Variants in EPHA6 observed in about 807,000 individuals in gnomAD.
The protein encoded by EPHA6 is EPH receptor A6.
Under a neutral mutation model 112.0 loss-of-function variants are expected in EPHA6, and 50 were observed. The ratio of observed to expected loss-of-function variants is 0.45; its 90% CI spans 0.36 to 0.56. EPHA6 has a LOEUF of 0.56. Ranked by LOEUF, EPHA6 falls within the 20% of genes least tolerant of loss-of-function variation. EPHA6 has a pLI of 0.00. For synonymous variants in EPHA6, 529 were observed against 490.7 expected (o/e 1.08, Z -1.03); for missense variants, 1,280 against 1,417.4 (o/e 0.90, Z 1.56).
intron 3 of EPHA6, among the ~76,000 whole-genome samples, chr3:97,133,021 A>T (rs1285531897): frequency 6.6e-6 from 1 of 152,120 alleles, no homozygotes; most frequent in Non-Finnish European, 1.5e-5. Flanking sequence ...ATACAATTTT[A>T]AAAAAGAATT....
intron 3 of EPHA6, among the ~76,000 whole-genome samples, chr3:97,050,804 G>C (rs1458802068): frequency 6.6e-6 from 1 of 151,978 alleles, no homozygotes; most frequent in African/African-American, 2.4e-5. Context: ...CTGTTCTTTT[G>C]TTGAGTACTA....
At chr3:97,055,388 C>A (rs777940395) in intron 3 of EPHA6, among the ~76,000 whole-genome samples, 1 of 152,016 alleles carries the variant, frequency 6.6e-6, no homozygotes, top group Non-Finnish European at 1.5e-5. Flanking sequence ...ATAGGGGGAA[C>A]TTGGGAAATC....
At chr3:97,297,007 A>G (rs2108702846) in intron 5 of EPHA6, among the ~76,000 whole-genome samples, 1 of 152,276 alleles carries the variant, frequency 6.6e-6, no homozygotes, top group East Asian at 1.9e-4. Flanking sequence ...AAATGGCAAC[A>G]TAGTGCAGCT....
In EPHA6 at chr3:97,446,586, A is replaced by G. The variant is rs185596015; in HGVS notation, c.1732-1982A>G. On this transcript the variant is annotated intron_variant, in intron 6 of 17. Transcript: ENST00000389672. ...ACTAAATGCTTTTTTTCATTGCTTT[A>G]AAGTTCTTATCTCAGTCATCATTTC... Among the ~76,000 whole-genome samples the G allele has an allele frequency of 2.2e-4, 33 of 152,232 alleles. 1 individual carries two copies. In the South Asian group the frequency reaches 4.2e-3, roughly 19 times the overall value.
chr3:97,170,621 C>T (rs965655172), intron 3 of EPHA6, among the ~76,000 whole-genome samples: 1 of 151,994 alleles, frequency 6.6e-6, no homozygotes, highest in Non-Finnish European at 1.5e-5. Flanking sequence ...TCTCTAGTCC[C>T]AGCTACTCAG....
chr3:97,654,849 A>G (rs1360074219), intron 14 of EPHA6, among the ~76,000 whole-genome samples: 1 of 151,756 alleles, frequency 6.6e-6, no homozygotes, highest in Non-Finnish European at 1.5e-5. Context: ...TACAAAAGGA[A>G]GCCACTGGAA....
intron 11 of EPHA6, among the ~76,000 whole-genome samples, chr3:97,551,374 A>C (rs2093026617): frequency 6.6e-6 from 1 of 152,128 alleles, no homozygotes; most frequent in Non-Finnish European, 1.5e-5. Flanking sequence ...ATGTAAATTC[A>C]TTGACATTTT....
chr3:97,411,730 G>C (rs1475351166), intron 6 of EPHA6, among the ~76,000 whole-genome samples: 1 of 151,980 alleles, frequency 6.6e-6, no homozygotes, highest in Non-Finnish European at 1.5e-5. Context: ...TTTACTTAAT[G>C]TGAGTTTTAC....
intron 11 of EPHA6, among the ~76,000 whole-genome samples, chr3:97,558,477 G>A (rs993857692): frequency 2.0e-5 from 3 of 151,896 alleles, no homozygotes; most frequent in Non-Finnish European, 4.4e-5. Flanking sequence ...TCCCTTCATG[G>A]TTATTTCCTA....
chr3:97,716,783 A>C (rs1299511304), intron 14 of EPHA6, among the ~76,000 whole-genome samples: 1 of 152,216 alleles, frequency 6.6e-6, no homozygotes, highest in Non-Finnish European at 1.5e-5. Context: ...GCTCAGAATT[A>C]TTCCAGTTTG....
intron 2 of EPHA6, among the ~76,000 whole-genome samples, chr3:96,964,241 A>G (rs1208477698): frequency 6.6e-6 from 1 of 152,152 alleles, no homozygotes; most frequent in Admixed American, 6.6e-5. Context: ...TTCTGCAGAA[A>G]AGAGGTGGCC....
In EPHA6 at chr3:97,752,948, C is replaced by T. The variant is rs1413435128; in HGVS notation, c.*4247C>T. On this transcript the variant is annotated 3_prime_UTR_variant, in exon 18 of 18. Transcript: ENST00000389672. The stretch of plus-strand genomic sequence containing the variant: ...CTCAAATTCTGTGAAGTAGAAGAGA[C>T]TCATATTACTTTACATTCAATCAAC... 6.6e-6 allele frequency among the ~76,000 whole-genome samples: 1 copy of T among 151,990 alleles called. No individual in the cohort carries two copies. The highest frequency in any genetic ancestry group is 2.4e-5 in the African/African-American group (1 of 41,382).
chr3:97,722,794 T>C (rs2107802388), intron 15 of EPHA6, among the ~76,000 whole-genome samples: 1 of 152,248 alleles, frequency 6.6e-6, no homozygotes, highest in Middle Eastern at 3.4e-3. Context: ...AAAGTAATAA[T>C]CATTCTAATT....
intron 2 of EPHA6, among the ~76,000 whole-genome samples, chr3:96,939,045 A>G (rs2040776943): frequency 6.6e-6 from 1 of 152,154 alleles, no homozygotes; most frequent in Non-Finnish European, 1.5e-5. Context: ...AATGTTCATC[A>G]AGGATATTGG....
rs2035807540 is a variant in EPHA6 at position 97,748,527 on chromosome 3, CTCT to C, written c.3279-59_3279-57del. The C allele has an allele frequency of 3.8e-6, 3 of 799,778 alleles. No homozygotes were observed. The East Asian group carries it at 7.7e-5, about 21-fold the overall frequency. The allele number at this position is 799,778 out of a possible 1,614,324, so 49.5% of individuals were successfully genotyped here. A position where few individuals can be genotyped will look rare whatever the true frequency, so the allele number is the denominator to read the frequency against. On this transcript the variant is annotated intron_variant, in intron 17 of 17. Transcript: ENST00000389672. ...ATGTTCATATTCTGTATCTCTCTCT[CTCT>C]CTCTCTCTTTCTTGCTCTCACTCTC...
At chr3:97,186,302 C>A (rs555332120) in intron 3 of EPHA6, among the ~76,000 whole-genome samples, 1 of 152,176 alleles carries the variant, frequency 6.6e-6, no homozygotes, top group African/African-American at 2.4e-5. Flanking sequence ...TTTTAAGTTG[C>A]TGACTAATCT....
intron 5 of EPHA6, among the ~76,000 whole-genome samples, chr3:97,384,741 C>G (rs1432918092): frequency 1.3e-5 from 2 of 152,216 alleles, no homozygotes; most frequent in East Asian, 3.9e-4. Flanking sequence ...ATAGAAACAT[C>G]ATACTATTTC....
intron 14 of EPHA6, among the ~76,000 whole-genome samples, chr3:97,712,991 C>T (rs1057332326): frequency 1.3e-5 from 2 of 151,746 alleles, no homozygotes; most frequent in African/African-American, 4.8e-5. Flanking sequence ...TCATCTGCCC[C>T]TATTCTCTAT....
intron 3 of EPHA6, among the ~76,000 whole-genome samples, chr3:97,206,955 C>T (rs1366293656): frequency 1.3e-5 from 2 of 152,012 alleles, no homozygotes; most frequent in East Asian, 3.9e-4. Flanking sequence ...ATTACATATG[C>T]TTTCAAATTA....
Sources: allele counts gnomAD v4.1 joint callset (sites outside exome capture counted in the v4.1 genomes callset), GRCh38; gene constraint gnomAD v4.1.1; transcripts MANE v1.5; gene names NCBI Gene and HGNC (gene_info 2026-07-23, HGNC 2026-07-21).